The following ATP8B2 variants were observed in gnomAD, a reference collection of about 807,000 sequenced individuals.
The protein encoded by ATP8B2 is ATPase phospholipid transporting 8B2, also known as phospholipid-transporting ATPase ID.
Under a neutral mutation model 133.4 loss-of-function variants are expected in ATP8B2, and 70 were observed. That is an observed-to-expected ratio of 0.52 (90% confidence interval 0.43 to 0.64). The LOEUF (loss-of-function observed/expected upper bound fraction) is 0.64. Among genes scored for constraint, ATP8B2 ranks in the 30% least tolerant of loss-of-function variants. ATP8B2 has a pLI of 0.00. For missense variants in ATP8B2, 1,101 were observed against 1,535.7 expected (o/e 0.72, Z 4.73); for synonymous variants, 517 against 589.5 (o/e 0.88, Z 1.78).
intron 11 of ATP8B2, among the ~76,000 whole-genome samples, chr1:154,336,935 C>T (rs1686205321): frequency 6.6e-6 from 1 of 151,038 alleles, no homozygotes; most frequent in African/African-American, 2.4e-5. Context: ...GCTGAGACTA[C>T]AGGCAAGTGC....
Position 154,346,669 on chromosome 1 carries a change from G to T in ATP8B2, c.3074G>T (p.Trp1025Leu), listed in dbSNP as rs1384381550. The change falls in exon 26 of 28, where the codon TGG becomes TTG. Residue 1025 changes from tryptophan (W) to leucine (L), a missense_variant. Coordinates refer to ENST00000368489, the MANE Select transcript of ATP8B2 (RefSeq NM_001370597.1). The surrounding 1 kb of genome is among the most constrained non-coding windows in gnomAD (Gnocchi z 4.5). ...YWTAINHFFI[W>L]GSLAVYFAIL... ...ACGGCCATCAACCACTTCTTCATCT[G>T]GGGAAGCCTTGCTGTTTACTTTGCC... 1.2e-6 allele frequency: 2 copies of T among 1,614,180 alleles called. No homozygotes were observed. Among genetic ancestry groups the T allele is most frequent in the South Asian group, 2.2e-5 (2 of 91,090 alleles).
At chr1:154,326,309 C>T (rs1414242377) in intron 1 of ATP8B2, among the ~76,000 whole-genome samples, 1 of 152,160 alleles carries the variant, frequency 6.6e-6, no homozygotes, top group African/African-American at 2.4e-5. Flanking sequence ...CTGCCATCCT[C>T]CTCTGAAAGA....
At chr1:154,348,744 G>T (rs1228203681) in intron 27 of ATP8B2, 96 bp from the exon 28 acceptor site, 2 of 1,436,388 alleles carry the variant, frequency 1.4e-6, no homozygotes, top group Non-Finnish European at 1.9e-6. Context: ...GGAGGCCTCT[G>T]TGTCAGCCTG....
rs1416174004 is a variant in ATP8B2, at chr1:154,328,196, T to C, written c.31+24T>C. 6.2e-7 allele frequency: 1 copy of C among 1,604,370 alleles called. No individual in the cohort carries two copies. ...AGGTAAGACAGGCAAGGAGGGGAGA[T>C]CCCGGGAACCATCAAGAGTGGGTGT... On this transcript the variant is annotated intron_variant, in intron 2 of 27. Transcript: ENST00000368489. This position sits in a 1 kb window ranked among gnomAD's most constrained non-coding sequence, Gnocchi z 4.6.
At chr1:154,348,602 A>G (rs1686676666) in intron 27 of ATP8B2, 64 bp downstream of exon 27, 7 of 1,587,910 alleles carry the variant, frequency 4.4e-6, no homozygotes, top group Non-Finnish European at 6.0e-6. Flanking sequence ...CCTCATGTGA[A>G]CACTGGGGGG....
At position 154,351,223 on chromosome 1, in the gene ATP8B2, GAC is replaced by G. The variant is rs1239805276; in HGVS notation, c.*2109_*2110del. 1.3e-5 allele frequency: 2 copies of G among 152,206 alleles called. No homozygotes were observed. The highest frequency in any genetic ancestry group is 4.8e-5 in the African/African-American group (2 of 41,340). The allele number at this position is 152,206 out of a possible 1,614,324, so 9.4% of individuals were successfully genotyped here. ...GTAATTAAGGAACATTATAATTTAT[GAC>G]ACATTTCTATACTTGCAAAAATTAT... is the stretch of plus-strand genomic sequence containing the variant. On this transcript the variant is annotated 3_prime_UTR_variant, in exon 28 of 28. Coordinates refer to ENST00000368489, the MANE Select transcript of ATP8B2 (RefSeq NM_001370597.1).
chr1:154,346,587 G>A lies in ATP8B2; in HGVS notation c.3025-33G>A, dbSNP rs11265581. On this transcript the variant is annotated intron_variant, in intron 25 of 27. Transcript: ENST00000368489. This position sits in a 1 kb window ranked among gnomAD's most constrained non-coding sequence, Gnocchi z 4.5. ...TTCTGGGGGAAGGGGCTTTTAGGGC[G>A]TGCGCCTGCCTGACTATGCCTACTT... is the stretch of plus-strand genomic sequence containing the variant. 6,330 of 1,613,694 alleles carry A rather than the reference G, an allele frequency of 3.9e-3. 61 individuals are homozygous for A. Among genetic ancestry groups the A allele is most frequent in the African/African-American group, 0.033 (2,491 of 75,042 alleles).
chr1:154,330,710 T>C, intron 3 of ATP8B2, 105 bp from the exon 4 acceptor site: 1 of 992,674 alleles, frequency 1.0e-6, no homozygotes, highest in South Asian at 1.5e-5. Context: ...TTTGCTAGCT[T>C]TTGGGGTAGA....
At chr1:154,336,683 G>A (rs531122004) in intron 11 of ATP8B2, among the ~76,000 whole-genome samples, 2 of 151,966 alleles carry the variant, frequency 1.3e-5, no homozygotes, top group Admixed American at 1.3e-4. Context: ...AGAGATGAGA[G>A]ATGGGGTTTC....
rs910385872 is a variant in ATP8B2, at chr1:154,340,009, C to T, written c.1035-845C>T. 5.9e-5 allele frequency among the ~76,000 whole-genome samples: 9 copies of T among 152,028 alleles called. No individual in the cohort carries two copies. The highest frequency in any genetic ancestry group is 5.2e-4 in the Admixed American group (8 of 15,264). On this transcript the variant is annotated intron_variant, in intron 12 of 27. Coordinates refer to ENST00000368489, the MANE Select transcript of ATP8B2 (RefSeq NM_001370597.1). This position sits in a 1 kb window ranked among gnomAD's most constrained non-coding sequence, Gnocchi z 4.0. The stretch of plus-strand genomic sequence containing the variant: ...CCAGTGTGGGCAACACAGCGAGATC[C>T]CATCTCTACAAAAAATGAAAATTAG...
rs1686668906 is a variant in ATP8B2 at position 154,348,475 on chromosome 1, C to T, written c.3231C>T (p.Cys1077=). 1.2e-6 allele frequency: 2 copies of T among 1,614,136 alleles called. No homozygotes were observed. The highest frequency in any genetic ancestry group is 1.7e-6 in the Non-Finnish European group (2 of 1,179,998). ...WLTIVLTTVV[C]IMPVVAFRFL... ...CCATTGTGCTCACCACAGTCGTCTG[C>T]ATCATGCCCGTGGTTGCCTTCCGAT... is the stretch of plus-strand genomic sequence containing the variant. Residue 1077 remains cysteine, a synonymous_variant, in exon 27 of 28, where the codon TGC becomes TGT. Transcript: ENST00000368489.
In ATP8B2 at chr1:154,337,420, A is replaced by G. The variant is rs754660051; in HGVS notation, c.910A>G (p.Met304Val). The change falls in exon 12 of 28, where the codon ATG becomes GTG. Residue 304 changes from methionine (M) to valine (V), a missense_variant. Coordinates refer to ENST00000368489, the MANE Select transcript of ATP8B2 (RefSeq NM_001370597.1). ...TGCCATCTGGGAGCACGAGGTGGGG[A>G]TGCGTTTCCAGGTCTACCTGCCGTG... ...GNAIWEHEVG[M>V]RFQVYLPWDE... The G allele has an allele frequency of 1.2e-6, 2 of 1,614,030 alleles. No homozygotes were observed. The highest frequency in any genetic ancestry group is 2.2e-5 in the South Asian group (2 of 91,070).
chr1:154,332,043 G>A lies in ATP8B2; in HGVS notation c.509+19G>A. On this transcript the variant is annotated intron_variant, in intron 8 of 27. Transcript: ENST00000368489. ...TTGATGGGTAAGTGGCATGCTCAGTGTCAGCCCTCTCCTTCTGTCTCTTTG... is the reference window on the plus strand; with the variant it reads ...TTGATGGGTAAGTGGCATGCTCAGTATCAGCCCTCTCCTTCTGTCTCTTTG... 2 of 1,605,108 alleles carry A rather than the reference G, an allele frequency of 1.2e-6. No homozygotes were observed. The highest frequency in any genetic ancestry group is 1.7e-6 in the Non-Finnish European group (2 of 1,171,776).
In ATP8B2 at chr1:154,328,884, C is replaced by A; in HGVS notation, c.31+712C>A. 1 of 1,259,440 alleles carries A rather than the reference C, an allele frequency of 7.9e-7. No individual in the cohort carries two copies. 78.0% of individuals were successfully genotyped at this position (1,259,440 alleles called of 1,614,324 possible). On this transcript the variant is annotated intron_variant, in intron 2 of 27. Coordinates refer to ENST00000368489, the MANE Select transcript of ATP8B2 (RefSeq NM_001370597.1). This position sits in a 1 kb window ranked among gnomAD's most constrained non-coding sequence, Gnocchi z 4.6. The stretch of plus-strand genomic sequence containing the variant: ...CGCGCCCGACGGCTGGGGCTCCCCT[C>A]TGAGCGGCTGCGGCTCCTGCACCTC...
At position 154,334,383 on chromosome 1, in the gene ATP8B2, G is replaced by T. The variant is rs1382080825; in HGVS notation, c.748+118G>T. 6.6e-6 allele frequency: 10 copies of T among 1,520,704 alleles called. No individual in the cohort carries two copies. Among genetic ancestry groups the T allele is most frequent in the Non-Finnish European group, 9.0e-6 (10 of 1,109,054 alleles). 94.2% of individuals were successfully genotyped at this position (1,520,704 alleles called of 1,614,324 possible). Reference sequence around the variant, plus strand: ...TAAAAAACCTCCAGCTGTGTATACAGGCTTCTTATCTAGCCAGTATCTCTA... The same window carrying T: ...TAAAAAACCTCCAGCTGTGTATACATGCTTCTTATCTAGCCAGTATCTCTA... On this transcript the variant is annotated intron_variant, in intron 10 of 27. Coordinates refer to ENST00000368489, the MANE Select transcript of ATP8B2 (RefSeq NM_001370597.1). This position sits in a 1 kb window ranked among gnomAD's most constrained non-coding sequence, Gnocchi z 4.6.
At position 154,343,190 on chromosome 1, in the gene ATP8B2, C is replaced by T. The variant is rs750741796; in HGVS notation, c.1531C>T (p.Arg511Cys). Residue 511 changes from arginine to cysteine, a missense_variant, in exon 16 of 28, where the codon CGC becomes TGC. Coordinates refer to ENST00000368489, the MANE Select transcript of ATP8B2 (RefSeq NM_001370597.1). This position sits in a 1 kb window ranked among gnomAD's most constrained non-coding sequence, Gnocchi z 5.8. The stretch of plus-strand genomic sequence containing the variant: ...AGCCAGGAACTTTGGTTTTGTTTTC[C>T]GCTCTCGCACCCCCAAAACAATCAC... Reference protein sequence around the residue: ...TAARNFGFVFRSRTPKTITVH... With the variant: ...TAARNFGFVFCSRTPKTITVH... 1.2e-5 allele frequency: 20 copies of T among 1,613,984 alleles called. No homozygotes were observed. Among genetic ancestry groups the T allele is most frequent in the African/African-American group, 4.0e-5 (3 of 74,896 alleles).
intron 26 of ATP8B2, among the ~76,000 whole-genome samples, chr1:154,347,860 G>A (rs1228104469): frequency 6.6e-6 from 1 of 150,692 alleles, no homozygotes; most frequent in African/African-American, 2.4e-5. Flanking sequence ...AGAATCGCTT[G>A]AACCTGGGAG....
In ATP8B2 at chr1:154,340,761, C is replaced by G; in HGVS notation, c.1035-93C>G. On this transcript the variant is annotated intron_variant, in intron 12 of 27. Transcript: ENST00000368489. This position sits in a 1 kb window ranked among gnomAD's most constrained non-coding sequence, Gnocchi z 4.0. Reference sequence around the variant, plus strand: ...CCAGGTGTCTTCTCCGTTCTTGTCTCTCCCCAGGCGGAGGGCCTGCAGCGA... The same window carrying G: ...CCAGGTGTCTTCTCCGTTCTTGTCTGTCCCCAGGCGGAGGGCCTGCAGCGA... The G allele has an allele frequency of 8.2e-7, 1 of 1,217,596 alleles. No individual in the cohort carries two copies. Among genetic ancestry groups the G allele is most frequent in the Non-Finnish European group, 1.2e-6 (1 of 834,818 alleles). 75.4% of individuals were successfully genotyped at this position (1,217,596 alleles called of 1,614,324 possible). A position where few individuals can be genotyped will look rare whatever the true frequency, so the allele number is the denominator to read the frequency against.
At chr1:154,339,067 A>T (rs897778739) in intron 12 of ATP8B2, among the ~76,000 whole-genome samples, 1 of 152,190 alleles carries the variant, frequency 6.6e-6, no homozygotes, top group African/African-American at 2.4e-5. Flanking sequence ...TTTTAAGGAA[A>T]TGTTTTATGG....
Sources: gnomAD v4.1 joint callset for allele counts (sites outside exome capture counted in the v4.1 genomes callset) on GRCh38, gnomAD v4.1.1 for gene constraint, Gnocchi (gnomAD v3.1) non-coding constraint, MANE v1.5 for transcripts, NCBI Gene and HGNC (gene_info 2026-07-23, HGNC 2026-07-21) for gene names.